The following FHIT variants were observed in gnomAD, a reference collection of about 807,000 sequenced individuals.
The protein encoded by FHIT is fragile histidine triad diadenosine triphosphatase, also known as bis(5'-adenosyl)-triphosphatase.
Under a neutral mutation model 17.9 loss-of-function variants are expected in FHIT, and 19 were observed. The ratio of observed to expected loss-of-function variants is 1.06; its 90% confidence interval spans 0.74 to 1.56. The LOEUF (loss-of-function observed/expected upper bound fraction) is 1.56, where lower values mean the gene tolerates loss of function less well. Ranked by LOEUF, FHIT falls within the 40% of genes most tolerant of loss-of-function variation. The pLI is 0.00. For missense variants in FHIT, 248 were observed against 189.2 expected (o/e 1.31, Z -1.82); for synonymous variants, 81 against 69.7 (o/e 1.16, Z -0.81).
chr3:60,271,054 C>A (rs963107906), intron 5 of FHIT, among the ~76,000 whole-genome samples: 9 of 152,142 alleles, frequency 5.9e-5, no homozygotes, highest in African/African-American at 2.2e-4. Flanking sequence ...CAGTGGACTG[C>A]TGCTATTTGG....
intron 5 of FHIT, among the ~76,000 whole-genome samples, chr3:60,240,288 C>CAA (rs978305878): frequency 3.3e-5 from 5 of 152,254 alleles, no homozygotes; most frequent in Non-Finnish European, 1.5e-5. Flanking sequence ...GGCTTTGCTT[C>CAA]AAATTTATAT....
At chr3:60,131,518 G>C (rs911869665) in intron 5 of FHIT, among the ~76,000 whole-genome samples, 2 of 152,052 alleles carry the variant, frequency 1.3e-5, no homozygotes, top group Admixed American at 6.6e-5. Flanking sequence ...AGCTTGTCAA[G>C]AAAACTGCCT....
At chr3:60,679,278 A>G (rs377364503) in intron 4 of FHIT, among the ~76,000 whole-genome samples, 1 of 152,184 alleles carries the variant, frequency 6.6e-6, no homozygotes, top group East Asian at 1.9e-4. Flanking sequence ...CAATCCTTAA[A>G]AAGTCCTACC....
intron 4 of FHIT, among the ~76,000 whole-genome samples, chr3:60,793,340 C>T (rs1056857683): frequency 1.3e-5 from 2 of 151,184 alleles, no homozygotes; most frequent in Admixed American, 6.6e-5. Context: ...GTTGCTCTGT[C>T]GCCCAGGCTG....
At chr3:60,101,539 C>A (rs551987252) in intron 5 of FHIT, among the ~76,000 whole-genome samples, 1 of 152,278 alleles carries the variant, frequency 6.6e-6, no homozygotes, top group African/African-American at 2.4e-5. Context: ...TATTACATTA[C>A]GTATTTTTTT....
At chr3:60,889,876 C>A (rs1705423390) in intron 3 of FHIT, among the ~76,000 whole-genome samples, 1 of 152,086 alleles carries the variant, frequency 6.6e-6, no homozygotes, top group Admixed American at 6.6e-5. Flanking sequence ...GATATGCAAT[C>A]CTTTTTGTCA....
At chr3:60,431,746 C>G (rs1265014463) in intron 5 of FHIT, among the ~76,000 whole-genome samples, 1 of 151,980 alleles carries the variant, frequency 6.6e-6, no homozygotes, top group Non-Finnish European at 1.5e-5. Context: ...CAGCTCAAAA[C>G]GCCTCTCAAA....
At chr3:60,021,929 T>C (rs1222306730) in intron 5 of FHIT, among the ~76,000 whole-genome samples, 1 of 152,214 alleles carries the variant, frequency 6.6e-6, no homozygotes, top group Non-Finnish European at 1.5e-5. Flanking sequence ...TGAGAAACAC[T>C]GCATGAAATG....
At chr3:59,913,300 G>A (rs754184321) in intron 8 of FHIT, among the ~76,000 whole-genome samples, 7 of 152,064 alleles carry the variant, frequency 4.6e-5, no homozygotes, top group Non-Finnish European at 8.8e-5. Flanking sequence ...TAAGAAAATC[G>A]CTTTTCTCCC....
At chr3:60,218,062 T>C (rs1175037808) in intron 5 of FHIT, among the ~76,000 whole-genome samples, 3 of 152,184 alleles carry the variant, frequency 2.0e-5, no homozygotes, top group Non-Finnish European at 4.4e-5. Context: ...ATGTTTATTA[T>C]TGTTTTAAAG....
At chr3:59,962,412 T>C (rs79345839) in intron 7 of FHIT, among the ~76,000 whole-genome samples, 1,648 of 152,304 alleles carry the variant, frequency 0.011, 31 homozygotes, top group African/African-American at 0.037. Context: ...AACCTATACT[T>C]TCCAGAATCA....
chr3:61,087,493 C>T (rs939713430), intron 2 of FHIT, among the ~76,000 whole-genome samples: 19 of 151,942 alleles, frequency 1.3e-4, no homozygotes, highest in African/African-American at 3.4e-4. Context: ...AGAATCCATT[C>T]GATAATATTG....
intron 3 of FHIT, among the ~76,000 whole-genome samples, chr3:60,887,518 C>T (rs537907767): frequency 4.6e-5 from 7 of 152,066 alleles, no homozygotes; most frequent in Admixed American, 2.0e-4. Context: ...TGGTGGCACA[C>T]GCCTGTAATC....
intron 5 of FHIT, among the ~76,000 whole-genome samples, chr3:60,470,954 C>G (rs1262035599): frequency 2.6e-5 from 4 of 152,152 alleles, no homozygotes; most frequent in Non-Finnish European, 4.4e-5. Context: ...CTGAGTCCCT[C>G]CCTTCATTCA....
chr3:60,143,336 G>A (rs1278622175), intron 5 of FHIT, among the ~76,000 whole-genome samples: 6 of 152,084 alleles, frequency 3.9e-5, no homozygotes, highest in African/African-American at 1.4e-4. Flanking sequence ...TATATGGGGA[G>A]AAGTGACAGT....
chr3:60,170,715 GA>G (rs1209564643), intron 5 of FHIT, among the ~76,000 whole-genome samples: 1 of 151,826 alleles, frequency 6.6e-6, no homozygotes, highest in Non-Finnish European at 1.5e-5. Flanking sequence ...AAACACTGGG[GA>G]AAAAAATAAC....
intron 2 of FHIT, among the ~76,000 whole-genome samples, chr3:61,042,308 T>C (rs1455517555): frequency 6.6e-6 from 1 of 152,206 alleles, no homozygotes; most frequent in Non-Finnish European, 1.5e-5. Context: ...GTTAAAAGCA[T>C]ATAACCTACC....
intron 4 of FHIT, among the ~76,000 whole-genome samples, chr3:60,727,237 T>C (rs943467514): frequency 1.3e-5 from 2 of 151,982 alleles, no homozygotes; most frequent in Non-Finnish European, 2.9e-5. Context: ...GCTCACAATA[T>C]AATAAAAGCT....
At chr3:60,216,510 C>T (rs552904491) in intron 5 of FHIT, among the ~76,000 whole-genome samples, 105 of 152,114 alleles carry the variant, frequency 6.9e-4, no homozygotes, top group Admixed American at 1.8e-3. Context: ...ATTTGAATGT[C>T]CCAAATATAT....
Sources: allele counts gnomAD v4.1 joint callset (sites outside exome capture counted in the v4.1 genomes callset), GRCh38; gene constraint gnomAD v4.1.1; transcripts MANE v1.5; gene names NCBI Gene and HGNC (gene_info 2026-07-23, HGNC 2026-07-21).